Variants in RUVBL1 observed in about 807,000 individuals in gnomAD.
RUVBL1 encodes the protein ruvB-like 1.
In RUVBL1, 4 loss-of-function variants were observed where a neutral mutation model predicts 52.4. That is an observed-to-expected ratio of 0.08 (90% CI 0.04 to 0.17). The LOEUF (loss-of-function observed/expected upper bound fraction) is 0.17, where lower values mean the gene tolerates loss of function less well. Ranked by LOEUF, RUVBL1 falls within the 10% of genes least tolerant of loss-of-function variation. The pLI is 1.00. For synonymous variants in RUVBL1, 217 were observed against 214.4 expected, an observed-to-expected ratio of 1.01 and a Z score of -0.10; for missense variants, 298 against 572.8, an observed-to-expected ratio of 0.52 and a Z score of 4.90.
intron 1 of RUVBL1, among the ~76,000 whole-genome samples, chr3:128,146,674 C>T (rs187045860): frequency 3.3e-4 from 50 of 150,062 alleles, no homozygotes; most frequent in African/African-American, 1.1e-3. Context: ...CACATGTTTG[C>T]GTGTGCATCT....
In RUVBL1 at chr3:128,108,465, T is replaced by C. The variant is rs531707257; in HGVS notation, c.362-3541A>G. 2.4e-4 allele frequency among the ~76,000 whole-genome samples: 37 copies of C among 152,200 alleles called. No individual in the cohort carries two copies. The South Asian group carries it at 6.2e-3, about 26-fold the overall frequency. Reference sequence around the variant, plus strand: ...CCTTTAAGCAATGCAAACACATACATCCATGTGAAAGCCAGTTTTCACAGA... The same window carrying C: ...CCTTTAAGCAATGCAAACACATACACCCATGTGAAAGCCAGTTTTCACAGA... On this transcript the variant is annotated intron_variant, in intron 3 of 10. Transcript: ENST00000322623.
rs144570329 is a variant in RUVBL1, at chr3:128,097,603, G to A, written c.818-105C>T. 775 of 966,426 alleles carry A rather than the reference G, an allele frequency of 8.0e-4. 1 individual carries two copies. In the African/African-American group the frequency reaches 0.011, roughly 13 times the overall value. The allele number at this position is 966,426 out of a possible 1,614,324, so 59.9% of individuals were successfully genotyped here. On this transcript the variant is annotated intron_variant, in intron 7 of 10. Coordinates refer to ENST00000322623, the MANE Select transcript of RUVBL1 (RefSeq NM_003707.3). ...AATCCAAACCCATGCTAGGAGCCTAGTTTTCCTACTAGCTATGTGATCCCA... is the reference window on the plus strand; with the variant it reads ...AATCCAAACCCATGCTAGGAGCCTAATTTTCCTACTAGCTATGTGATCCCA...
chr3:128,069,121 A>G (rs1027405957), intron 9 of RUVBL1, among the ~76,000 whole-genome samples: 5 of 152,260 alleles, frequency 3.3e-5, no homozygotes, highest in African/African-American at 1.2e-4. Flanking sequence ...AACAGGTGAA[A>G]TTAAATTTAA....
At chr3:128,076,709 A>C (rs1180461917), downstream of RUVBL1, among the ~76,000 whole-genome samples, 1 of 151,070 alleles carries the variant, frequency 6.6e-6, no homozygotes, top group African/African-American at 2.4e-5. The surrounding 1 kb of genome is among the most constrained non-coding windows in gnomAD (Gnocchi z 6.8). Flanking sequence ...CACTACATAC[A>C]CACGCGCGCG....
rs762838276 is a variant in RUVBL1 at position 128,067,393 on chromosome 3, C to G, written c.940-2173G>C. ...TGCTAAAGTAAAATGAAGGAGCACT[C>G]ACATGCGTTTGGTTTCTTCTTCCCC... On this transcript the variant is annotated intron_variant, in intron 9 of 9. Transcript: ENST00000464873. The surrounding 1 kb of genome is among the most constrained non-coding windows in gnomAD (Gnocchi z 4.1). 2.5e-6 allele frequency: 4 copies of G among 1,595,616 alleles called. No homozygotes were observed. In the South Asian group the frequency reaches 4.5e-5, roughly 18 times the overall value.
intron 2 of RUVBL1, 50 bp downstream of exon 2, chr3:128,119,278 A>T: frequency 1.4e-6 from 2 of 1,449,426 alleles, no homozygotes; most frequent in Admixed American, 3.5e-5. Context: ...TGGCTTAGAC[A>T]CTAGGATCAT....
chr3:128,093,171 G>C (rs1244857241), intron 8 of RUVBL1, among the ~76,000 whole-genome samples: 1 of 152,144 alleles, frequency 6.6e-6, no homozygotes, highest in Non-Finnish European at 1.5e-5. Context: ...ATACTATTCA[G>C]CTGGAAAAAG....
chr3:128,088,487 A>G, intron 8 of RUVBL1, among the ~76,000 whole-genome samples: 1 of 149,004 alleles, frequency 6.7e-6, no homozygotes, highest in East Asian at 1.9e-4. Context: ...GTATATACTA[A>G]TTATGCCCTA....
upstream of RUVBL1, among the ~76,000 whole-genome samples, chr3:128,128,011 CA>C (rs1943818834): frequency 2.0e-5 from 1 of 50,526 alleles, no homozygotes; most frequent in African/African-American, 6.5e-5. Flanking sequence ...ATAATAAATA[CA>C]TACATACATA....
intron 1 of RUVBL1, among the ~76,000 whole-genome samples, chr3:128,138,342 G>A (rs115167585): frequency 6.6e-6 from 1 of 151,946 alleles, no homozygotes; most frequent in African/African-American, 2.4e-5. Flanking sequence ...ACTGTTAAAA[G>A]TGATAAACAA....
intron 8 of RUVBL1, among the ~76,000 whole-genome samples, chr3:128,090,046 G>C (rs1257212987): frequency 6.6e-6 from 1 of 151,850 alleles, no homozygotes; most frequent in Non-Finnish European, 1.5e-5. Context: ...AAAAGTTTTG[G>C]AAATAGTGGT....
intron 8 of RUVBL1, among the ~76,000 whole-genome samples, chr3:128,095,386 C>A (rs546039384): frequency 2.6e-5 from 4 of 152,368 alleles, no homozygotes; most frequent in African/African-American, 9.6e-5. Flanking sequence ...CCTGGCCTAG[C>A]CAAGGCTAAG....
downstream of RUVBL1, among the ~76,000 whole-genome samples, chr3:128,076,784 C>T (rs1942341334): frequency 6.6e-6 from 1 of 152,122 alleles, no homozygotes; most frequent in South Asian, 2.1e-4. This position sits in a 1 kb window ranked among gnomAD's most constrained non-coding sequence, Gnocchi z 6.8. Context: ...CCGTGTCCCC[C>T]GTTCCCTGCA....
intron 9 of RUVBL1, chr3:128,084,856 C>G (rs1011816259): frequency 1.3e-5 from 2 of 152,326 alleles, no homozygotes; most frequent in Non-Finnish European, 2.9e-5. Flanking sequence ...TGAGAGAAAG[C>G]CTGAGGAGAG....
intron 1 of RUVBL1, among the ~76,000 whole-genome samples, chr3:128,133,950 T>C (rs150694404): frequency 3.6e-4 from 55 of 152,298 alleles, no homozygotes; most frequent in African/African-American, 1.1e-3. Context: ...TGTGACCTTT[T>C]AGACAGACAA....
At chr3:128,098,013 G>A (rs2107687667) in intron 7 of RUVBL1, among the ~76,000 whole-genome samples, 1 of 152,248 alleles carries the variant, frequency 6.6e-6, no homozygotes. Flanking sequence ...TAAGGAAGTG[G>A]GTGCTTTTAG....
At chr3:128,064,795 TTTTA>T (rs372079793) in exon 10 of RUVBL1, 22 of 1,309,936 alleles carry the variant, frequency 1.7e-5, no homozygotes, top group Admixed American at 6.9e-5. Context: ...GTTTTCCTCT[TTTTA>T]TTTGTCTGCT....
At chr3:128,098,745 G>C (rs969279144) in intron 7 of RUVBL1, 137 bp downstream of exon 7, 2 of 735,914 alleles carry the variant, frequency 2.7e-6, no homozygotes, top group Non-Finnish European at 4.7e-6. Flanking sequence ...CTAGAGTCAA[G>C]CTCTAAGCTA....
At chr3:128,101,745 C>T in intron 4 of RUVBL1, 97 bp from the exon 5 acceptor site, 13 of 1,252,508 alleles carry the variant, frequency 1.0e-5, no homozygotes, top group Non-Finnish European at 1.5e-5. Flanking sequence ...AGGTAGCTAG[C>T]AGGTGCATGG....
Sources: allele counts gnomAD v4.1 joint callset (sites outside exome capture counted in the v4.1 genomes callset), GRCh38; gene constraint gnomAD v4.1.1; non-coding constraint Gnocchi (gnomAD v3.1); transcripts MANE v1.5; gene names NCBI Gene and HGNC (gene_info 2026-07-23, HGNC 2026-07-21).